The following VWC2 variants were observed in gnomAD, a reference collection of about 807,000 sequenced individuals.
VWC2 encodes von Willebrand factor C domain containing 2.
In VWC2, 14 loss-of-function variants were observed where a neutral mutation model predicts 29.8. That is an observed-to-expected ratio of 0.47 (90% CI 0.31 to 0.74). The LOEUF (loss-of-function observed/expected upper bound fraction) is 0.74, where lower values mean the gene tolerates loss of function less well. VWC2 is among the 30% of genes least tolerant of loss of function. VWC2 has a pLI of 0.05. For missense variants in VWC2, 457 were observed against 459.8 expected, an observed-to-expected ratio of 0.99 and a Z score of 0.05; for synonymous variants, 213 against 199.0, an observed-to-expected ratio of 1.07 and a Z score of -0.59.
chr7:49,883,054 G>T (rs1327172499), intron 3 of VWC2, among the ~76,000 whole-genome samples: 4 of 151,950 alleles, frequency 2.6e-5, no homozygotes, highest in Admixed American at 1.3e-4. Context: ...AGCTTGTCTG[G>T]GTCCTTTGAG....
At chr7:49,776,187 G>A in intron 2 of VWC2, 56 bp downstream of exon 2, 1 of 1,416,916 alleles carries the variant, frequency 7.1e-7, no homozygotes. Context: ...GGGTGGAACA[G>A]CTTTGGTTCT....
intron 3 of VWC2, among the ~76,000 whole-genome samples, chr7:49,897,341 GA>G (rs1238206099): frequency 6.6e-5 from 10 of 151,892 alleles, no homozygotes; most frequent in Non-Finnish European, 1.5e-4. Flanking sequence ...CAAAGACAGT[GA>G]AAAAAATACA....
chr7:49,895,025 G>C (rs1427526326), intron 3 of VWC2, among the ~76,000 whole-genome samples: 2 of 152,184 alleles, frequency 1.3e-5, no homozygotes, highest in East Asian at 3.9e-4. Flanking sequence ...ATATGTCTAA[G>C]TCCATTCATG....
intron 3 of VWC2, among the ~76,000 whole-genome samples, chr7:49,806,546 G>A (rs1788882728): frequency 6.6e-6 from 1 of 152,154 alleles, no homozygotes; most frequent in South Asian, 2.1e-4. Flanking sequence ...AAACATTTAT[G>A]ACACTTTAAA....
intron 3 of VWC2, among the ~76,000 whole-genome samples, chr7:49,848,046 G>T (rs1435433968): frequency 6.6e-6 from 1 of 152,194 alleles, no homozygotes; most frequent in East Asian, 1.9e-4. Context: ...CAACATGGGT[G>T]GGAAGTCGGA....
chr7:49,848,833 G>A (rs1583672269), intron 3 of VWC2, among the ~76,000 whole-genome samples: 1 of 152,276 alleles, frequency 6.6e-6, no homozygotes, highest in South Asian at 2.1e-4. Flanking sequence ...TTATAGTATA[G>A]TCAATAAAAT....
Position 49,813,867 on chromosome 7 carries a change from A to T in VWC2, c.826+11027A>T, listed in dbSNP as rs369958863. ...GGCTTGCTAGCAGCCAAAGCAAAAA[A>T]GAGAACCATAGGAAGCATTAGCTAC... is the stretch of plus-strand genomic sequence containing the variant. On this transcript the variant is annotated intron_variant, in intron 3 of 3. Transcript: ENST00000340652. Among the ~76,000 whole-genome samples, 12 of 152,362 alleles carry T rather than the reference A, an allele frequency of 7.9e-5. No individual in the cohort carries two copies. The East Asian group carries it at 2.1e-3, about 27-fold the overall frequency.
chr7:49,817,977 C>G (rs943219324), intron 3 of VWC2, among the ~76,000 whole-genome samples: 1 of 152,224 alleles, frequency 6.6e-6, no homozygotes, highest in Non-Finnish European at 1.5e-5. Context: ...TCTTATAATA[C>G]TGGTTACAAA....
intron 2 of VWC2, among the ~76,000 whole-genome samples, chr7:49,798,585 C>T (rs1788654693): frequency 6.6e-6 from 1 of 152,172 alleles, no homozygotes; most frequent in Non-Finnish European, 1.5e-5. Context: ...GGGCACCAAA[C>T]AGAGCCCTGT....
chr7:49,877,481 A>AATATATATAT, intron 3 of VWC2, among the ~76,000 whole-genome samples: 3 of 12,706 alleles, frequency 2.4e-4, no homozygotes, highest in Admixed American at 1.4e-3. Context: ...AAAAAAAAAA[A>AATATATATAT]ATATATATAT....
intron 3 of VWC2, among the ~76,000 whole-genome samples, chr7:49,908,851 A>G (rs1210596388): frequency 1.3e-5 from 2 of 152,252 alleles, no homozygotes; most frequent in Admixed American, 6.5e-5. Context: ...TTGAACATCA[A>G]AAAGAATAAA....
At chr7:49,903,879 T>G (rs1792925970) in intron 3 of VWC2, among the ~76,000 whole-genome samples, 2 of 152,256 alleles carry the variant, frequency 1.3e-5, no homozygotes, top group South Asian at 4.1e-4. Context: ...GAGGAAAGAC[T>G]GGCTGGTGGC....
chr7:49,855,395 A>G lies in VWC2; in HGVS notation c.826+52555A>G, dbSNP rs150822684. Among the ~76,000 whole-genome samples, 1,013 of 152,096 alleles carry G rather than the reference A, an allele frequency of 6.7e-3. 7 individuals carry two copies. The highest frequency in any genetic ancestry group is 0.023 in the African/African-American group (953 of 41,490). On this transcript the variant is annotated intron_variant, in intron 3 of 3. Transcript: ENST00000340652. ...TAGGTGGTATATTTACATGACAGGG[A>G]CCTTGTCAGCATCTCTGGGTGGGAG...
intron 3 of VWC2, among the ~76,000 whole-genome samples, chr7:49,808,451 C>G (rs955939147): frequency 1.8e-4 from 28 of 151,876 alleles, no homozygotes; most frequent in Admixed American, 1.8e-3. Context: ...TCTGATAAAC[C>G]ATTAAATAAT....
In VWC2 at chr7:49,921,093, T is replaced by C. The variant is rs1562777005; in HGVS notation, c.*8908T>C. ...CACTAATAAATCATCAGTCACCACC[T>C]TTCCTGCATATCTGACAGATGGAGA... On this transcript the variant is annotated 3_prime_UTR_variant, in exon 4 of 4. Coordinates refer to ENST00000340652, the MANE Select transcript of VWC2 (RefSeq NM_198570.5). The C allele has an allele frequency of 1.3e-5, 2 of 152,230 alleles. No homozygotes were observed. Among genetic ancestry groups the C allele is most frequent in the Non-Finnish European group, 2.9e-5 (2 of 68,030 alleles). 9.4% of individuals were successfully genotyped at this position (152,230 alleles called of 1,614,324 possible).
At chr7:49,830,640 G>T (rs1054387350) in intron 3 of VWC2, among the ~76,000 whole-genome samples, 55 of 151,954 alleles carry the variant, frequency 3.6e-4, no homozygotes, top group African/African-American at 1.3e-3. Context: ...TTTACATTAG[G>T]TATATCTCCT....
intron 2 of VWC2, among the ~76,000 whole-genome samples, chr7:49,799,062 G>A (rs1203065281): frequency 6.6e-6 from 1 of 152,208 alleles, no homozygotes; most frequent in African/African-American, 2.4e-5. Flanking sequence ...TGGGCTCAGG[G>A]GGTTGGCATG....
At chr7:49,784,869 A>G (rs1176718880) in intron 2 of VWC2, among the ~76,000 whole-genome samples, 1 of 152,194 alleles carries the variant, frequency 6.6e-6, no homozygotes, top group Non-Finnish European at 1.5e-5. Flanking sequence ...GTTCCAAGTA[A>G]TGTGACCTCA....
Position 49,779,806 on chromosome 7 carries a change from G to A in VWC2, c.696+3675G>A, listed in dbSNP as rs146937367. Reference sequence around the variant, plus strand: ...GGTGTCAGCAGGGCTGGTTTCTTCCGAGGCCTCTCTCCTTGGCTTGCAGAT... The same window carrying A: ...GGTGTCAGCAGGGCTGGTTTCTTCCAAGGCCTCTCTCCTTGGCTTGCAGAT... On this transcript the variant is annotated intron_variant, in intron 2 of 3. Coordinates refer to ENST00000340652, the MANE Select transcript of VWC2 (RefSeq NM_198570.5). Among the ~76,000 whole-genome samples the A allele has an allele frequency of 1.1e-3, 175 of 152,206 alleles. 3 individuals carry two copies. The East Asian group carries it at 0.026, about 22-fold the overall frequency.
Sources: allele counts gnomAD v4.1 joint callset (sites outside exome capture counted in the v4.1 genomes callset), GRCh38; gene constraint gnomAD v4.1.1; transcripts MANE v1.5; gene names NCBI Gene and HGNC (gene_info 2026-07-23, HGNC 2026-07-21).